Variants in KCNN2 observed in about 807,000 individuals in gnomAD.
The protein encoded by KCNN2 is potassium calcium-activated channel subfamily N member 2.
Under a neutral mutation model 55.5 loss-of-function variants are expected in KCNN2, and 24 were observed. The observed-to-expected ratio is 0.43, with a 90% CI of 0.31 to 0.61. The LOEUF (loss-of-function observed/expected upper bound fraction) is 0.61. KCNN2 is among the 20% of genes least tolerant of loss of function. The probability of loss-of-function intolerance (pLI) is 0.08; values close to 1 mark genes in which losing one functional copy is unlikely to be tolerated. For missense variants in KCNN2, 754 were observed against 853.6 expected (o/e 0.88, Z 1.45); for synonymous variants, 431 against 336.1 (o/e 1.28, Z -3.09).
chr5:114,244,048 T>A (rs906731195), intron 2 of KCNN2, among the ~76,000 whole-genome samples: 7 of 152,192 alleles, frequency 4.6e-5, no homozygotes, highest in African/African-American at 1.7e-4. Context: ...TCTCAGCAAC[T>A]GGTTTACTGA....
chr5:114,220,080 G>A (rs1466640018), intron 1 of KCNN2, among the ~76,000 whole-genome samples: 1 of 152,080 alleles, frequency 6.6e-6, no homozygotes, highest in African/African-American at 2.4e-5. Context: ...AGGCCTACAG[G>A]TCATATAGTT....
At chr5:114,459,488 T>TAA (rs1314053324) in intron 3 of KCNN2, among the ~76,000 whole-genome samples, 1 of 152,206 alleles carries the variant, frequency 6.6e-6, no homozygotes, top group African/African-American at 2.4e-5. Flanking sequence ...TGTCATAGAT[T>TAA]AAAAACCTGG....
intron 1 of KCNN2, among the ~76,000 whole-genome samples, chr5:114,174,608 C>T (rs1753101629): frequency 6.6e-6 from 1 of 152,122 alleles, no homozygotes; most frequent in Non-Finnish European, 1.5e-5. Context: ...TCAAAGATTT[C>T]AGCTATATCC....
At chr5:114,117,924 G>C (rs563802374) in intron 1 of KCNN2, among the ~76,000 whole-genome samples, 1 of 152,150 alleles carries the variant, frequency 6.6e-6, no homozygotes, top group African/African-American at 2.4e-5. Context: ...TTTCAGTGCA[G>C]AGGAAAGCTC....
chr5:114,470,705 C>T lies in KCNN2; in HGVS notation c.1780-2349C>T, dbSNP rs533440017. ...CATCACACCCTCTGCCTTTACTTTC[C>T]TTGTTTATCGTGTCTTCATAAGTCA... On this transcript the variant is annotated intron_variant, in intron 4 of 7. Transcript: ENST00000673685. Among the ~76,000 whole-genome samples, 5 of 152,228 alleles carry T rather than the reference C, an allele frequency of 3.3e-5. No individual in the cohort carries two copies. The South Asian group carries it at 1.0e-3, about 32-fold the overall frequency.
At chr5:114,311,930 A>G (rs1206066329) in intron 2 of KCNN2, among the ~76,000 whole-genome samples, 1 of 152,158 alleles carries the variant, frequency 6.6e-6, no homozygotes, top group Non-Finnish European at 1.5e-5. Context: ...GAATGCAATA[A>G]TGCTTTGGAT....
chr5:114,238,349 G>A (rs974078383), intron 2 of KCNN2, among the ~76,000 whole-genome samples: 2 of 151,932 alleles, frequency 1.3e-5, no homozygotes, highest in African/African-American at 4.8e-5. Context: ...ATTATTGTTG[G>A]GTGCAGTGGC....
At chr5:114,462,588 G>A (rs1761259299) in intron 3 of KCNN2, among the ~76,000 whole-genome samples, 1 of 152,202 alleles carries the variant, frequency 6.6e-6, no homozygotes, top group African/African-American at 2.4e-5. Flanking sequence ...TTTGAAGGAT[G>A]AAGAGGTGTT....
intron 3 of KCNN2, among the ~76,000 whole-genome samples, chr5:114,427,317 C>A (rs1431356041): frequency 1.3e-5 from 2 of 152,156 alleles, no homozygotes; most frequent in Non-Finnish European, 2.9e-5. Flanking sequence ...TGGGAGTATT[C>A]AGACTGCAGG....
intron 1 of KCNN2, among the ~76,000 whole-genome samples, chr5:114,067,205 G>T (rs1327968544): frequency 6.6e-6 from 1 of 152,168 alleles, no homozygotes; most frequent in Middle Eastern, 3.2e-3. Context: ...GAGCAATATT[G>T]TTCCTAGATG....
chr5:114,425,974 G>C (rs546227625), intron 3 of KCNN2, among the ~76,000 whole-genome samples: 83 of 151,104 alleles, frequency 5.5e-4, no homozygotes, highest in African/African-American at 1.9e-3. Flanking sequence ...GAGCTTAGGA[G>C]TTTGAGACCA....
At chr5:114,292,883 G>T (rs781404337) in intron 2 of KCNN2, among the ~76,000 whole-genome samples, 1 of 152,156 alleles carries the variant, frequency 6.6e-6, no homozygotes, top group East Asian at 1.9e-4. Flanking sequence ...GTGGTTTGTA[G>T]TTCTCCTTGA....
At chr5:114,328,180 A>G (rs1363254200) in intron 2 of KCNN2, among the ~76,000 whole-genome samples, 4 of 152,176 alleles carry the variant, frequency 2.6e-5, no homozygotes, top group African/African-American at 9.7e-5. Flanking sequence ...TGGTATAACC[A>G]GAGTCCTAAT....
chr5:114,321,102 T>A (rs895129358), intron 2 of KCNN2, among the ~76,000 whole-genome samples: 7 of 152,198 alleles, frequency 4.6e-5, no homozygotes, highest in African/African-American at 7.2e-5. Flanking sequence ...CGTCTTTGCA[T>A]AGAGAGGTCC....
intron 2 of KCNN2, among the ~76,000 whole-genome samples, chr5:114,279,767 C>T (rs1401634576): frequency 1.3e-5 from 2 of 150,846 alleles, no homozygotes; most frequent in African/African-American, 4.8e-5. Context: ...CATATGTGTG[C>T]GTGTGTCTTT....
chr5:114,078,308 A>T (rs144300447), intron 1 of KCNN2, among the ~76,000 whole-genome samples: 712 of 152,330 alleles, frequency 4.7e-3, no homozygotes, highest in Non-Finnish European at 7.3e-3. Flanking sequence ...TTGATGGAAA[A>T]TTGAGAATGA....
chr5:114,295,243 C>A (rs566093844), intron 2 of KCNN2, among the ~76,000 whole-genome samples: 233 of 152,316 alleles, frequency 1.5e-3, no homozygotes, highest in African/African-American at 5.0e-3. Context: ...CAGACAGGGA[C>A]ATTTAAGTCT....
intron 1 of KCNN2, among the ~76,000 whole-genome samples, chr5:114,099,573 A>G (rs11744140): frequency 0.15 from 22,135 of 152,174 alleles, 1,736 homozygotes; most frequent in Middle Eastern, 0.22. Context: ...AACTCTTGAG[A>G]TCACGGGATC....
At chr5:114,249,030 C>A (rs1754805521) in intron 2 of KCNN2, among the ~76,000 whole-genome samples, 1 of 152,142 alleles carries the variant, frequency 6.6e-6, no homozygotes, top group Non-Finnish European at 1.5e-5. Flanking sequence ...CCATATTGTC[C>A]CTTTCAGATT....
Sources: gnomAD v4.1 joint callset for allele counts (sites outside exome capture counted in the v4.1 genomes callset) on GRCh38, gnomAD v4.1.1 for gene constraint, MANE v1.5 for transcripts, NCBI Gene and HGNC (gene_info 2026-07-23, HGNC 2026-07-21) for gene names.